The following PDE3B variants were observed in gnomAD, a reference collection of about 807,000 sequenced individuals.
The protein encoded by PDE3B is cGMP-inhibited 3',5'-cyclic phosphodiesterase 3B.
In PDE3B, 66 loss-of-function variants were observed where a neutral mutation model predicts 116.8. The ratio of observed to expected loss-of-function variants is 0.56; its 90% confidence interval spans 0.46 to 0.69. The LOEUF (loss-of-function observed/expected upper bound fraction) is 0.69, where lower values mean the gene tolerates loss of function less well. Ranked by LOEUF, PDE3B falls within the 30% of genes least tolerant of loss-of-function variation. The probability of loss-of-function intolerance (pLI) is 0.00; values close to 1 mark genes in which losing one functional copy is unlikely to be tolerated. For synonymous variants in PDE3B, 595 were observed against 533.6 expected (o/e 1.12, Z -1.59); for missense variants, 1,384 against 1,368.1 (o/e 1.01, Z -0.18).
the PDE3B span, chr11:14,892,209 C>A: frequency 6.2e-7 from 1 of 1,609,044 alleles, no homozygotes; most frequent in Non-Finnish European, 8.5e-7. Context: ...TCCACATCGG[C>A]CCGAGCTGGA....
At chr11:14,777,884 C>T (rs188894963) in intron 2 of PDE3B, among the ~76,000 whole-genome samples, 28 of 152,030 alleles carry the variant, frequency 1.8e-4, no homozygotes, top group Admixed American at 2.6e-4. Flanking sequence ...CGCAAGGGGT[C>T]GGGGAATTCT....
chr11:14,679,951 G>A (rs1854650367), intron 1 of PDE3B, among the ~76,000 whole-genome samples: 1 of 152,060 alleles, frequency 6.6e-6, no homozygotes, highest in Admixed American at 6.5e-5. Context: ...GGACCAGGAA[G>A]CATGGGAAAA....
At chr11:14,694,078 A>G (rs1855129661) in intron 1 of PDE3B, among the ~76,000 whole-genome samples, 1 of 152,156 alleles carries the variant, frequency 6.6e-6, no homozygotes, top group Non-Finnish European at 1.5e-5. Context: ...ATAGCAAGGG[A>G]ATAAATAGAG....
intron 1 of PDE3B, among the ~76,000 whole-genome samples, chr11:14,655,755 G>C (rs1853701362): frequency 6.6e-6 from 1 of 152,272 alleles, no homozygotes; most frequent in South Asian, 2.1e-4. Context: ...ATTAAGTAGA[G>C]ACAGGCGTTG....
At chr11:14,726,024 T>C (rs1856296834) in intron 1 of PDE3B, among the ~76,000 whole-genome samples, 1 of 152,208 alleles carries the variant, frequency 6.6e-6, no homozygotes, top group Admixed American at 6.5e-5. Context: ...AAGACTCCGC[T>C]ATTCCTTGAA....
intron 1 of PDE3B, among the ~76,000 whole-genome samples, chr11:14,768,529 T>A (rs1008417638): frequency 4.6e-5 from 7 of 151,726 alleles, no homozygotes; most frequent in African/African-American, 1.7e-4. Flanking sequence ...TCCATCCATA[T>A]ACGATGTAGC....
chr11:14,889,005 G>T, the PDE3B span, among the ~76,000 whole-genome samples: 1 of 152,132 alleles, frequency 6.6e-6, no homozygotes, highest in Non-Finnish European at 1.5e-5. Context: ...TTTTCAGTGT[G>T]ATACACTTCT....
At chr11:14,662,310 A>G (rs554004421) in intron 1 of PDE3B, among the ~76,000 whole-genome samples, 2 of 152,210 alleles carry the variant, frequency 1.3e-5, no homozygotes, top group Non-Finnish European at 2.9e-5. Flanking sequence ...CCATCTGTAC[A>G]TCACCATCAT....
chr11:14,786,023 C>G (rs1316520386), intron 2 of PDE3B, among the ~76,000 whole-genome samples: 1 of 152,028 alleles, frequency 6.6e-6, no homozygotes, highest in Non-Finnish European at 1.5e-5. Context: ...GTAAATTACT[C>G]AAGGTCACAC....
At position 14,822,619 on chromosome 11, in the gene PDE3B, G is replaced by C. The variant is rs775874506; in HGVS notation, c.1807+3410G>C. Reference sequence around the variant, plus strand: ...CCTCCTCGTAAACCCACTGCACCAGGGCTTGCAGTCTGATATGCAGAGCTC... The same window carrying C: ...CCTCCTCGTAAACCCACTGCACCAGCGCTTGCAGTCTGATATGCAGAGCTC... On this transcript the variant is annotated intron_variant, in intron 7 of 15. Coordinates refer to ENST00000282096, the MANE Select transcript of PDE3B (RefSeq NM_000922.4). Among the ~76,000 whole-genome samples the C allele has an allele frequency of 1.2e-3, 181 of 152,268 alleles. 1 individual carries two copies. The highest frequency in any genetic ancestry group is 2.1e-3 in the Non-Finnish European group (140 of 68,004).
chr11:14,844,175 A>T, intron 12 of PDE3B, 149 bp downstream of exon 12: 1 of 619,186 alleles, frequency 1.6e-6, no homozygotes, highest in South Asian at 2.0e-5. Context: ...AACACATGGC[A>T]TTAATGTGAT....
At chr11:14,693,769 CAT>C (rs945312751) in intron 1 of PDE3B, among the ~76,000 whole-genome samples, 3 of 152,168 alleles carry the variant, frequency 2.0e-5, no homozygotes, top group Admixed American at 6.6e-5. Context: ...TGCCTGCAAA[CAT>C]AACATCCATT....
intron 11 of PDE3B, among the ~76,000 whole-genome samples, chr11:14,837,022 C>A (rs1860078142): frequency 6.6e-6 from 1 of 152,238 alleles, no homozygotes. Flanking sequence ...CCATGTTGCC[C>A]AGGCTGGTCT....
At position 14,794,558 on chromosome 11, in the gene PDE3B, C is replaced by T. The variant is rs184300130; in HGVS notation, c.1415+5316C>T. Among the ~76,000 whole-genome samples the T allele has an allele frequency of 2.5e-3, 377 of 152,280 alleles. 2 individuals are homozygous for T. Among genetic ancestry groups the T allele is most frequent in the African/African-American group, 8.5e-3 (355 of 41,566 alleles). Reference sequence around the variant, plus strand: ...CGAACTCCTGACCTCAGGTGATCTGCCTGCCTCGGCCTCCCAAAGTGCTGG... The same window carrying T: ...CGAACTCCTGACCTCAGGTGATCTGTCTGCCTCGGCCTCCCAAAGTGCTGG... On this transcript the variant is annotated intron_variant, in intron 4 of 15. Transcript: ENST00000282096.
At chr11:14,646,495 A>G (rs968932006) in intron 1 of PDE3B, among the ~76,000 whole-genome samples, 1 of 152,140 alleles carries the variant, frequency 6.6e-6, no homozygotes, top group African/African-American at 2.4e-5. Context: ...CGGGAGAAAA[A>G]TTGTTTTGAG....
chr11:14,661,542 C>T lies in PDE3B; in HGVS notation c.978+16489C>T, dbSNP rs1045389954. On this transcript the variant is annotated intron_variant, in intron 1 of 15. Transcript: ENST00000282096. ...GGGAAGCGCAAGGGGTCAGGGAGTT[C>T]CCTTTCCTAGTCAAAGAAAGGGGTG... 1.6e-4 allele frequency among the ~76,000 whole-genome samples: 25 copies of T among 152,204 alleles called. 1 individual carries two copies. Among genetic ancestry groups the T allele is most frequent in the Non-Finnish European group, 2.4e-4 (16 of 68,034 alleles).
chr11:14,662,414 A>G (rs1162788287), intron 1 of PDE3B, among the ~76,000 whole-genome samples: 3 of 152,218 alleles, frequency 2.0e-5, no homozygotes, highest in African/African-American at 7.2e-5. Flanking sequence ...TCCTCCTCCA[A>G]AGGAACTCAG....
intron 1 of PDE3B, among the ~76,000 whole-genome samples, chr11:14,683,947 T>C (rs181757581): frequency 7.9e-4 from 121 of 152,326 alleles, no homozygotes; most frequent in African/African-American, 2.8e-3. Flanking sequence ...TTAGAAGTTA[T>C]TTAATTTCTA....
chr11:14,769,558 T>C (rs1401062181), intron 1 of PDE3B, among the ~76,000 whole-genome samples: 1 of 149,242 alleles, frequency 6.7e-6, no homozygotes, highest in Non-Finnish European at 1.5e-5. Context: ...TTTATCAGTG[T>C]TTCTCCACCG....
Sources: gnomAD v4.1 joint callset for allele counts (sites outside exome capture counted in the v4.1 genomes callset) on GRCh38, gnomAD v4.1.1 for gene constraint, MANE v1.5 for transcripts, NCBI Gene and HGNC (gene_info 2026-07-23, HGNC 2026-07-21) for gene names.